KCNH6: variants seen among roughly 807,000 people sequenced by gnomAD.
The protein encoded by KCNH6 is potassium voltage-gated channel subfamily H member 6.
In KCNH6, 81 loss-of-function variants were observed where a neutral mutation model predicts 83.4. The ratio of observed to expected loss-of-function variants is 0.97; its 90% CI spans 0.81 to 1.17. The LOEUF (loss-of-function observed/expected upper bound fraction) is 1.17, where lower values mean the gene tolerates loss of function less well. Among genes scored for constraint, KCNH6 ranks in the 50% most tolerant of loss-of-function variants. The probability of loss-of-function intolerance (pLI) is 0.00; values close to 1 mark genes in which losing one functional copy is unlikely to be tolerated. For missense variants in KCNH6, 1,203 were observed against 1,290.5 expected, an observed-to-expected ratio of 0.93 and a Z score of 1.04; for synonymous variants, 503 against 545.6, an observed-to-expected ratio of 0.92 and a Z score of 1.09.
At chr17:63,540,585 A>C (rs2032800716) in intron 8 of KCNH6, among the ~76,000 whole-genome samples, 1 of 152,142 alleles carries the variant, frequency 6.6e-6, no homozygotes, top group Non-Finnish European at 1.5e-5. Flanking sequence ...TCTACTGGAA[A>C]ACCATCACAT....
At chr17:63,539,696 C>A (rs976205114) in intron 8 of KCNH6, among the ~76,000 whole-genome samples, 3 of 152,156 alleles carry the variant, frequency 2.0e-5, no homozygotes, top group Non-Finnish European at 4.4e-5. Context: ...CTTGTCCATA[C>A]CTCTCCATCT....
At position 63,530,548 on chromosome 17, in the gene KCNH6, G is replaced by A. The variant is rs777838409; in HGVS notation, c.675+6G>A. The A allele has an allele frequency of 1.2e-6, 2 of 1,613,728 alleles. No individual in the cohort carries two copies. Among genetic ancestry groups the A allele is most frequent in the Admixed American group, 3.3e-5 (2 of 60,028 alleles). On this transcript the variant is annotated splice_donor_region_variant and intron_variant, in intron 4 of 12. Transcript: ENST00000314672. ...TCACTGAGAAGGTCACCCAGGTGCGGGCCTGCAGAGCAGGGTGTGCAGAGC... is the reference window on the plus strand; with the variant it reads ...TCACTGAGAAGGTCACCCAGGTGCGAGCCTGCAGAGCAGGGTGTGCAGAGC...
In KCNH6 at chr17:63,524,362, C is replaced by G; in HGVS notation, c.300C>G (p.Arg100=). The part of the protein sequence containing the change: ...EECKVDILYY[R]KDASSFRCLV... ...GCAAGGTGGACATCCTCTACTACCG[C>G]AAGGATGGTGAGGCATACTCAGGCC... The change falls in exon 2 of 13, where the codon CGC becomes CGG. Residue 100 remains arginine, a synonymous_variant. Coordinates refer to ENST00000314672, the MANE Select transcript of KCNH6 (RefSeq NM_001278919.2). 1 of 1,612,228 alleles carries G rather than the reference C, an allele frequency of 6.2e-7. No individual in the cohort carries two copies. Among genetic ancestry groups the G allele is most frequent in the South Asian group, 1.1e-5 (1 of 91,048 alleles).
chr17:63,542,730 A>G (rs1245588985), intron 9 of KCNH6, among the ~76,000 whole-genome samples: 5 of 152,244 alleles, frequency 3.3e-5, no homozygotes, highest in African/African-American at 7.2e-5. Context: ...TAAATTGGCC[A>G]AAGCCATTCA....
In KCNH6 at chr17:63,524,286, C is replaced by G. The variant is rs748712626; in HGVS notation, c.224C>G (p.Pro75Arg). Residue 75 changes from proline to arginine, a missense_variant, in exon 2 of 13, where the codon CCA becomes CGA. Coordinates refer to ENST00000314672, the MANE Select transcript of KCNH6 (RefSeq NM_001278919.2). ...TCDFLTGPNT[P>R]SSAVSRLAQA... ...GACTTCCTCACAGGCCCCAACACAC[C>G]AAGCAGCGCCGTGTCCCGCCTAGCG... The G allele has an allele frequency of 6.2e-7, 1 of 1,613,892 alleles. No individual in the cohort carries two copies. The highest frequency in any genetic ancestry group is 8.5e-7 in the Non-Finnish European group (1 of 1,180,052).
rs140702167 is a variant in KCNH6 at position 63,542,379 on chromosome 17, C to T, written c.2093C>T (p.Pro698Leu). The change falls in exon 9 of 13, where the codon CCG becomes CTG. Residue 698 changes from proline (P) to leucine (L), a missense_variant. Transcript: ENST00000314672. The part of the protein sequence containing the change: ...ADLLEVLDMY[P>L]AFAESFWSKL... ...CTGCTGGAGGTGCTGGACATGTACC[C>T]GGCCTTTGCGGAGAGCTTCTGGAGT... is the stretch of plus-strand genomic sequence containing the variant. The T allele has an allele frequency of 4.2e-5, 67 of 1,614,070 alleles. No individual in the cohort carries two copies. Among genetic ancestry groups the T allele is most frequent in the Non-Finnish European group, 4.4e-5 (52 of 1,180,046 alleles).
At position 63,530,644 on chromosome 17, in the gene KCNH6, G is replaced by C. The variant is rs543355464; in HGVS notation, c.675+102G>C. ...CTTCTGGGGCCTTGGCCGATAAAGA[G>C]ATCCTGCCTGTCCAGCCTCTAATAT... On this transcript the variant is annotated intron_variant, in intron 4 of 12. Coordinates refer to ENST00000314672, the MANE Select transcript of KCNH6 (RefSeq NM_001278919.2). The C allele has an allele frequency of 4.0e-6, 4 of 998,246 alleles. No homozygotes were observed. The East Asian group carries it at 1.0e-4, about 25-fold the overall frequency. 61.8% of individuals were successfully genotyped at this position (998,246 alleles called of 1,614,324 possible).
chr17:63,524,079 C>A (rs1484901095), intron 1 of KCNH6, 60 bp from the exon 2 acceptor site: 2 of 1,205,506 alleles, frequency 1.7e-6, no homozygotes, highest in Non-Finnish European at 2.5e-6. Flanking sequence ...TATGATCTTT[C>A]CCTCCCAGCC....
rs201298365 is a variant in KCNH6 at position 63,534,243 on chromosome 17, T to C, written c.1033T>C (p.Trp345Arg). 8.7e-6 allele frequency: 14 copies of C among 1,614,148 alleles called. No homozygotes were observed. In the Admixed American group the frequency reaches 1.5e-4, roughly 17 times the overall value. ...CATCGCCGTCCACTACTTCAAGGGC[T>C]GGTTCCTCATTGACATGGTGGCCGC... is the stretch of plus-strand genomic sequence containing the variant. Reference protein sequence around the residue: ...RRIAVHYFKGWFLIDMVAAIP... With the variant: ...RRIAVHYFKGRFLIDMVAAIP... The change falls in exon 5 of 13, where the codon TGG (tryptophan) becomes CGG (arginine). Residue 345 changes from tryptophan to arginine, a missense_variant. By Grantham distance (101) the Trp-to-Arg change is moderately radical (BLOSUM62 -3). Transcript: ENST00000314672. This position sits in a 1 kb window ranked among gnomAD's most constrained non-coding sequence, Gnocchi z 5.0.
chr17:63,542,139 C>A, intron 8 of KCNH6, 102 bp from the exon 9 acceptor site: 1 of 1,246,096 alleles, frequency 8.0e-7, no homozygotes, highest in Non-Finnish European at 1.1e-6. Flanking sequence ...CAGGCCCCGG[C>A]CTAGAAGGAT....
At position 63,535,700 on chromosome 17, in the gene KCNH6, C is replaced by A. The variant is rs181114606; in HGVS notation, c.1133C>A (p.Ala378Glu). 4 of 1,611,924 alleles carry A rather than the reference C, an allele frequency of 2.5e-6. No individual in the cohort carries two copies. The highest frequency in any genetic ancestry group is 2.2e-5 in the South Asian group (2 of 90,838). Residue 378 changes from alanine to glutamate, a missense_variant, in exon 6 of 13, where the codon GCG (alanine) becomes GAG (glutamate). Transcript: ENST00000314672. The surrounding 1 kb of genome is among the most constrained non-coding windows in gnomAD (Gnocchi z 4.9). ...ACCCTGATTGGGCTATTGAAGACAG[C>A]GCGGCTGCTGCGGCTGGTGCGCGTA... is the stretch of plus-strand genomic sequence containing the variant. ...TTTLIGLLKTARLLRLVRVAR... is the reference protein window; with the variant it reads ...TTTLIGLLKTERLLRLVRVAR...
At chr17:63,548,801 G>A (rs1033940223), downstream of KCNH6, 4 of 151,808 alleles carry the variant, frequency 2.6e-5, no homozygotes, top group African/African-American at 4.8e-5. Flanking sequence ...CCTCCTTACA[G>A]GGGATTTCCT....
chr17:63,526,047 G>A (rs1568064591), intron 2 of KCNH6, among the ~76,000 whole-genome samples: 1 of 152,214 alleles, frequency 6.6e-6, no homozygotes. Flanking sequence ...GAGGGCAGAA[G>A]TCAAAGCCTG....
Position 63,523,428 on chromosome 17 carries a change from G to T in KCNH6, c.15G>T (p.Arg5Ser). 1 of 1,598,212 alleles carries T rather than the reference G, an allele frequency of 6.3e-7. No individual in the cohort carries two copies. Among genetic ancestry groups the T allele is most frequent in the Non-Finnish European group, 8.5e-7 (1 of 1,172,880 alleles). ...GCGGCCGAAAGATGCCGGTCCGCAG[G>T]GGCCACGTCGCTCCCCAAAACACTT... MPVR[R>S]GHVAPQNTYL... The change falls in exon 1 of 13, where the codon AGG becomes AGT. Residue 5 changes from arginine (R) to serine (S), a missense_variant. Coordinates refer to ENST00000314672, the MANE Select transcript of KCNH6 (RefSeq NM_001278919.2). The surrounding 1 kb of genome is among the most constrained non-coding windows in gnomAD (Gnocchi z 4.2).
In KCNH6 at chr17:63,530,116, TGTG is replaced by T. The variant is rs748969651; in HGVS notation, c.337_339del (p.Val113del). 1.2e-6 allele frequency: 2 copies of T among 1,613,640 alleles called. No homozygotes were observed. The highest frequency in any genetic ancestry group is 1.7e-5 in the Admixed American group (1 of 60,016). The stretch of plus-strand genomic sequence containing the variant: ...CCTCCAGCTTCCGCTGCCTGGTAGA[TGTG>T]GTGCCCGTGAAGAACGAGGACGGGG... On this transcript the variant is annotated inframe_deletion, in exon 3 of 13. Coordinates refer to ENST00000314672, the MANE Select transcript of KCNH6 (RefSeq NM_001278919.2).
chr17:63,524,237 G>T lies in KCNH6; in HGVS notation c.175G>T (p.Val59Leu). The T allele has an allele frequency of 6.2e-7, 1 of 1,614,176 alleles. No individual in the cohort carries two copies. Among genetic ancestry groups the T allele is most frequent in the Non-Finnish European group, 8.5e-7 (1 of 1,180,040 alleles). ...ACTCTTCGGCTACTCCCGAGTGGAG[G>T]TGATGCAGCAACCCTGCACCTGCGA... ...CELFGYSRVE[V>L]MQQPCTCDFL... The change falls in exon 2 of 13, where the codon GTG becomes TTG. Residue 59 changes from valine to leucine, a missense_variant. Val to Leu is a conservative substitution (Grantham distance 32, BLOSUM62 1). Coordinates refer to ENST00000314672, the MANE Select transcript of KCNH6 (RefSeq NM_001278919.2).
chr17:63,528,992 G>A (rs1035056973), intron 2 of KCNH6, among the ~76,000 whole-genome samples: 2 of 152,114 alleles, frequency 1.3e-5, no homozygotes, highest in East Asian at 1.9e-4. Context: ...GCACCACCAC[G>A]CCTGGCTAAT....
rs1387825380 is a variant in KCNH6, at chr17:63,523,709, G to A, written c.76+220G>A. ...CTGGAACACAAGGAGCAGCGTGCAG[G>A]CCTTCCCTCCCTACTGCCAGCTGTT... On this transcript the variant is annotated intron_variant, in intron 1 of 12. Coordinates refer to ENST00000314672, the MANE Select transcript of KCNH6 (RefSeq NM_001278919.2). This position sits in a 1 kb window ranked among gnomAD's most constrained non-coding sequence, Gnocchi z 4.2. Among the ~76,000 whole-genome samples the A allele has an allele frequency of 6.6e-6, 1 of 152,032 alleles. No homozygotes were observed. Among genetic ancestry groups the A allele is most frequent in the Non-Finnish European group, 1.5e-5 (1 of 68,006 alleles).
rs201974690 is a variant in KCNH6 at position 63,538,613 on chromosome 17, C to T, written c.1905C>T (p.Ser635=). ...GDVLSTLYFI[S]RGSIEILRDD... ...TGCTCTCCACCCTCTACTTCATCTC[C>T]CGAGGCTCCATCGAGATCCTGCGCG... Residue 635 remains serine, a synonymous_variant, in exon 8 of 13, where the codon TCC becomes TCT. Coordinates refer to ENST00000314672, the MANE Select transcript of KCNH6 (RefSeq NM_001278919.2). This position sits in a 1 kb window ranked among gnomAD's most constrained non-coding sequence, Gnocchi z 4.0. 17 of 1,609,898 alleles carry T rather than the reference C, an allele frequency of 1.1e-5. No homozygotes were observed. In the Admixed American group the frequency reaches 2.0e-4, roughly 19 times the overall value.
Sources: gnomAD v4.1 joint callset for allele counts (sites outside exome capture counted in the v4.1 genomes callset) on GRCh38, gnomAD v4.1.1 for gene constraint, Gnocchi (gnomAD v3.1) non-coding constraint, MANE v1.5 for transcripts, NCBI Gene and HGNC (gene_info 2026-07-23, HGNC 2026-07-21) for gene names.